Variants in TCP11 observed in about 807,000 individuals in gnomAD.
TCP11 encodes t-complex 11, also known as T-complex protein 11 homolog.
Under a neutral mutation model 45.0 loss-of-function variants are expected in TCP11, and 34 were observed. The observed-to-expected ratio is 0.76, with a 90% confidence interval of 0.57 to 1.01. The LOEUF is 1.01. Among genes scored for constraint, TCP11 ranks in the 50% least tolerant of loss-of-function variants. TCP11 has a pLI of 0.00. For synonymous variants in TCP11, 227 were observed against 227.0 expected, an observed-to-expected ratio of 1.00 and a Z score of 0.00; for missense variants, 523 against 598.1, an observed-to-expected ratio of 0.87 and a Z score of 1.31.
chr6:35,120,514 G>A lies in TCP11; in HGVS notation c.848C>T (p.Pro283Leu). 1 of 1,614,112 alleles carries A rather than the reference G, an allele frequency of 6.2e-7. No homozygotes were observed. The change falls in exon 7 of 10, where the codon CCA becomes CTA. Residue 283 changes from proline (P) to leucine (L), a missense_variant. By Grantham distance (98) the Pro-to-Leu change is moderately conservative (BLOSUM62 -3). This residue lies in a region of TCP11 where 298 missense variants were observed against 387.9 expected (regional missense o/e 0.77). Coordinates refer to ENST00000311875, the MANE Select transcript of TCP11 (RefSeq NM_001370687.1). The surrounding 1 kb of genome is among the most constrained non-coding windows in gnomAD (Gnocchi z 4.9). ...CACCATTGTGGGGCTGAGGGGCTCT[G>A]GGTTGTTGGCTGCCTCATTGGGAGA... Reference protein sequence around the residue: ...GPSPNEAANNPEPLSPTMVLC... With the variant: ...GPSPNEAANNLEPLSPTMVLC...
chr6:35,130,852 C>T (rs934413000), intron 3 of TCP11, among the ~76,000 whole-genome samples: 6 of 152,182 alleles, frequency 3.9e-5, no homozygotes, highest in South Asian at 2.1e-4. Context: ...CTGGCTATCA[C>T]GCTCCTGGGT....
At chr6:35,126,502 AC>A (rs1414014286) in intron 4 of TCP11, among the ~76,000 whole-genome samples, 3 of 152,168 alleles carry the variant, frequency 2.0e-5, no homozygotes, top group Non-Finnish European at 4.4e-5. Flanking sequence ...AACTGGTCTG[AC>A]CAAAAAGCTT....
At chr6:35,119,874 G>A (rs895938667) in intron 8 of TCP11, among the ~76,000 whole-genome samples, 6 of 151,990 alleles carry the variant, frequency 3.9e-5, no homozygotes, top group East Asian at 1.9e-4. Flanking sequence ...ATTGCTGACC[G>A]ACTGACCAAG....
At chr6:35,139,889 A>G in intron 2 of TCP11, 1 of 952,406 alleles carries the variant, frequency 1.0e-6, no homozygotes, top group South Asian at 1.7e-5. Context: ...CTAATACACA[A>G]AATTTCAAAT....
In TCP11 at chr6:35,122,332, C is replaced by G; in HGVS notation, c.363G>C (p.Leu121Phe). ...LELLKEIKEI[L>F]LSLLLPRQNR... ...TCTGGCGTGGTAATAGCAGTGATAG[C>G]AAGATCTGCCCAGGAAAGAAAGTCA... is the stretch of plus-strand genomic sequence containing the variant. Residue 121 changes from leucine (L) to phenylalanine (F), a missense_variant, in exon 5 of 10, where the codon TTG (leucine) becomes TTC (phenylalanine). By Grantham distance (22) the Leu-to-Phe change is conservative (BLOSUM62 0). Around this residue, in one of 2 missense-constraint regions of TCP11, gnomAD observed 225 missense variants for 210.2 expected, o/e 1.07. Transcript: ENST00000311875. 1.9e-6 allele frequency: 3 copies of G among 1,614,106 alleles called. No homozygotes were observed. The highest frequency in any genetic ancestry group is 2.5e-6 in the Non-Finnish European group (3 of 1,179,990).
intron 5 of TCP11, 39 bp downstream of exon 5, chr6:35,122,078 G>C (rs1282708869): frequency 3.1e-6 from 5 of 1,606,078 alleles, no homozygotes; most frequent in Non-Finnish European, 4.3e-6. Flanking sequence ...GGGCTCAGGG[G>C]CTAAAGCAGG....
chr6:35,140,987 G>T, intron 1 of TCP11, 103 bp from the exon 2 acceptor site: 2 of 1,388,444 alleles, frequency 1.4e-6, no homozygotes, highest in Non-Finnish European at 9.5e-7. Context: ...CGGCCTCAGG[G>T]TCTTGGGGGT....
At chr6:35,133,986 G>GCCCCC (rs1245821076) in intron 3 of TCP11, among the ~76,000 whole-genome samples, 5 of 152,008 alleles carry the variant, frequency 3.3e-5, no homozygotes, top group African/African-American at 1.2e-4. Context: ...TAAATAAGCT[G>GCCCCC]AGTTATGAAG....
intron 9 of TCP11, 52 bp downstream of exon 9, chr6:35,119,176 T>C: frequency 6.2e-7 from 1 of 1,600,828 alleles, no homozygotes; most frequent in African/African-American, 1.3e-5. Context: ...GGTTCCACGG[T>C]TGGGATCTAT....
At chr6:35,119,713 A>G (rs1779019711) in intron 8 of TCP11, among the ~76,000 whole-genome samples, 1 of 152,154 alleles carries the variant, frequency 6.6e-6, no homozygotes, top group African/African-American at 2.4e-5. Flanking sequence ...AGTCCCATGG[A>G]CTTTATTTTT....
chr6:35,134,096 G>A (rs1780767947), intron 3 of TCP11, among the ~76,000 whole-genome samples: 1 of 152,054 alleles, frequency 6.6e-6, no homozygotes, highest in Non-Finnish European at 1.5e-5. Context: ...GCTGATAGGA[G>A]CTATATGGTA....
At position 35,133,759 on chromosome 6, in the gene TCP11, C is replaced by T. The variant is rs369351058; in HGVS notation, c.236+2348G>A. 5.3e-4 allele frequency among the ~76,000 whole-genome samples: 80 copies of T among 152,004 alleles called. No individual in the cohort carries two copies. The East Asian group carries it at 0.015, about 28-fold the overall frequency. ...AAGCTGAGATCGCGCCACTGCACAC[C>T]CCAGCTTGGCGACAAAGCGAGATTT... On this transcript the variant is annotated intron_variant, in intron 3 of 9. Coordinates refer to ENST00000311875, the MANE Select transcript of TCP11 (RefSeq NM_001370687.1).
intron 5 of TCP11, 139 bp from the exon 6 acceptor site, chr6:35,121,184 G>C: frequency 9.7e-7 from 1 of 1,033,954 alleles, no homozygotes; most frequent in Non-Finnish European, 1.3e-6. Context: ...AAGATAACAT[G>C]TGGCCCAGAA....
rs750981605 is a variant in TCP11, at chr6:35,129,052, G to A, written c.357+10C>T. On this transcript the variant is annotated intron_variant, in intron 4 of 9. Coordinates refer to ENST00000311875, the MANE Select transcript of TCP11 (RefSeq NM_001370687.1). ...AGAAACTTTACATTTACAAATGGAA[G>A]GTCACTCACCTCTTTAATTTCTTTC... The A allele has an allele frequency of 5.0e-6, 8 of 1,612,090 alleles. No homozygotes were observed. The South Asian group carries it at 8.8e-5, about 18-fold the overall frequency.
intron 3 of TCP11, among the ~76,000 whole-genome samples, chr6:35,132,716 G>A (rs901307933): frequency 1.3e-5 from 2 of 152,094 alleles, no homozygotes; most frequent in Non-Finnish European, 2.9e-5. Context: ...TGGAAACCCA[G>A]TTCTGAATAC....
intron 2 of TCP11, among the ~76,000 whole-genome samples, chr6:35,139,468 C>T (rs9348964): frequency 0.67 from 102,288 of 152,004 alleles, 34,594 homozygotes; most frequent in Middle Eastern, 0.84. Context: ...CTTAAGTGGA[C>T]GCTTGAGGTT....
chr6:35,140,072 A>G, intron 2 of TCP11: 5 of 1,614,076 alleles, frequency 3.1e-6, no homozygotes, highest in Non-Finnish European at 4.2e-6. Context: ...GGTGCCATTC[A>G]GTTAACCAGC....
At chr6:35,129,382 C>T (rs1462193109) in intron 3 of TCP11, among the ~76,000 whole-genome samples, 200 bp from the exon 4 acceptor site, 1 of 152,216 alleles carries the variant, frequency 6.6e-6, no homozygotes, top group Non-Finnish European at 1.5e-5. Flanking sequence ...GGCAAAACCT[C>T]TCAGAAGGGC....
rs754172299 is a variant in TCP11 at position 35,119,234 on chromosome 6, C to T, written c.1273G>A (p.Val425Ile). The T allele has an allele frequency of 6.2e-6, 10 of 1,613,986 alleles. No homozygotes were observed. The highest frequency in any genetic ancestry group is 8.5e-6 in the Non-Finnish European group (10 of 1,179,974). ...ACCCCACAAGCATACTCACCAATAA[C>T]ACTGCAGACACAGTTCTCCTTCTTG... is the stretch of plus-strand genomic sequence containing the variant. ...IAKKENCVCS[V>I]IDQRIHLFLK... The change falls in exon 9 of 10, where the codon GTT (valine) becomes ATT (isoleucine). Residue 425 changes from valine (V) to isoleucine (I), a missense_variant. Physicochemically the swap from Val to Ile is conservative, Grantham distance 29. Coordinates refer to ENST00000311875, the MANE Select transcript of TCP11 (RefSeq NM_001370687.1).
Sources: allele counts gnomAD v4.1 joint callset (sites outside exome capture counted in the v4.1 genomes callset), GRCh38; gene constraint gnomAD v4.1.1; regional missense constraint gnomAD v4.1.1; non-coding constraint Gnocchi (gnomAD v3.1); transcripts MANE v1.5; gene names NCBI Gene and HGNC (gene_info 2026-07-23, HGNC 2026-07-21).